Variants in PHF24 observed in about 807,000 individuals in gnomAD.
PHF24 encodes the protein Galpha inhibitory interacting protein.
Under a neutral mutation model 42.6 loss-of-function variants are expected in PHF24, and 25 were observed. That is an observed-to-expected ratio of 0.59 (90% CI 0.43 to 0.82). The LOEUF is 0.82. Among genes scored for constraint, PHF24 ranks in the 40% least tolerant of loss-of-function variants. PHF24 has a pLI of 0.00. For synonymous variants in PHF24, 185 were observed against 204.8 expected (o/e 0.90, Z 0.83); for missense variants, 470 against 538.1 (o/e 0.87, Z 1.25).
At chr9:34,955,518 A>G (rs1382211044), upstream of PHF24, among the ~76,000 whole-genome samples, 1 of 152,212 alleles carries the variant, frequency 6.6e-6, no homozygotes, top group Non-Finnish European at 1.5e-5. Flanking sequence ...CTCTACCAAA[A>G]ATCCAAAAAT....
the PHF24 span, chr9:34,833,892 C>T: frequency 6.5e-7 from 1 of 1,547,216 alleles, no homozygotes. Flanking sequence ...TGGCTAGTGA[C>T]TGCCGGGGCC....
At chr9:34,729,079 T>C in the PHF24 span, among the ~76,000 whole-genome samples, 1 of 152,082 alleles carries the variant, frequency 6.6e-6, no homozygotes, top group African/African-American at 2.4e-5. Flanking sequence ...CCAAACCAAA[T>C]AGAGAGGTTC....
the PHF24 span, among the ~76,000 whole-genome samples, chr9:34,845,415 T>C: frequency 6.6e-6 from 1 of 152,132 alleles, no homozygotes; most frequent in Non-Finnish European, 1.5e-5. Context: ...TTTCCCTCTC[T>C]TGTTGTCGTC....
chr9:34,737,429 C>T, the PHF24 span, among the ~76,000 whole-genome samples: 57,608 of 152,016 alleles, frequency 0.38, 11,222 homozygotes, highest in African/African-American at 0.47. Flanking sequence ...CCACATTTTG[C>T]TTATCCATTC....
At chr9:34,886,319 G>A in the PHF24 span, among the ~76,000 whole-genome samples, 516 of 149,400 alleles carry the variant, frequency 3.5e-3, 3 homozygotes, top group African/African-American at 0.012. Context: ...TGAAACAAAA[G>A]TCCTTGAAAG....
chr9:34,917,204 T>C, the PHF24 span: 1 of 1,451,590 alleles, frequency 6.9e-7, no homozygotes, highest in Non-Finnish European at 9.7e-7. Context: ...CCCACTTAAA[T>C]AAAGGCATCA....
the PHF24 span, among the ~76,000 whole-genome samples, chr9:34,736,664 A>G: frequency 3.9e-5 from 6 of 152,276 alleles, no homozygotes; most frequent in Non-Finnish European, 8.8e-5. Context: ...CTCAGAGAAT[A>G]CTAACCAGGG....
chr9:34,738,184 A>G, the PHF24 span, among the ~76,000 whole-genome samples: 1 of 152,122 alleles, frequency 6.6e-6, no homozygotes, highest in African/African-American at 2.4e-5. Flanking sequence ...CTGTGGCCAG[A>G]TCCCAAACAA....
the PHF24 span, among the ~76,000 whole-genome samples, chr9:34,765,393 G>T: frequency 6.7e-6 from 1 of 149,942 alleles, no homozygotes; most frequent in African/African-American, 2.4e-5. Context: ...CCTGTATTGG[G>T]TGCCTATATA....
the PHF24 span, among the ~76,000 whole-genome samples, chr9:34,683,376 A>G: frequency 2.6e-5 from 4 of 152,230 alleles, no homozygotes; most frequent in African/African-American, 9.6e-5. Context: ...ATATACTTTC[A>G]AAACAACTTG....
At chr9:34,811,195 T>A in the PHF24 span, among the ~76,000 whole-genome samples, 1 of 152,230 alleles carries the variant, frequency 6.6e-6, no homozygotes, top group Non-Finnish European at 1.5e-5. Context: ...AATCTGTTTT[T>A]CACAGATTTT....
At chr9:34,976,667 A>G in exon 5 of PHF24, 1 of 1,614,210 alleles carries the variant, frequency 6.2e-7, no homozygotes, top group Non-Finnish European at 8.5e-7. Flanking sequence ...GACCCTGAAC[A>G]TCGAGGCCAC....
At chr9:34,762,267 A>G in the PHF24 span, among the ~76,000 whole-genome samples, 43 of 148,740 alleles carry the variant, frequency 2.9e-4, no homozygotes, top group East Asian at 2.6e-3. Flanking sequence ...CTGAGGAATC[A>G]CCACACTGAC....
chr9:34,854,196 A>T, the PHF24 span, among the ~76,000 whole-genome samples: 395 of 106,556 alleles, frequency 3.7e-3, 4 homozygotes, highest in Non-Finnish European at 5.1e-3. Flanking sequence ...CAGTCTATCT[A>T]TTTTTTTTTT....
At chr9:34,857,064 T>A in the PHF24 span, among the ~76,000 whole-genome samples, 1 of 152,188 alleles carries the variant, frequency 6.6e-6, no homozygotes, top group Non-Finnish European at 1.5e-5. Flanking sequence ...TTGTGTTGCA[T>A]TGTGAGGAAC....
chr9:34,896,456 G>T, the PHF24 span, among the ~76,000 whole-genome samples: 511 of 152,274 alleles, frequency 3.4e-3, 1 homozygote, highest in South Asian at 0.018. Flanking sequence ...TACCTTTCAT[G>T]GAGGCAAATG....
the PHF24 span, chr9:34,832,864 A>G: frequency 6.4e-7 from 1 of 1,551,668 alleles, no homozygotes; most frequent in Non-Finnish European, 8.7e-7. Flanking sequence ...CAAGGATGAC[A>G]GTTAGCTTGG....
intron 3 of PHF24, among the ~76,000 whole-genome samples, chr9:34,975,926 G>T (rs1038196127): frequency 1.3e-5 from 2 of 152,076 alleles, no homozygotes; most frequent in Non-Finnish European, 2.9e-5. Flanking sequence ...CAGTGCTGGA[G>T]TCAGGATATC....
At chr9:34,925,304 C>G in the PHF24 span, among the ~76,000 whole-genome samples, 1 of 152,156 alleles carries the variant, frequency 6.6e-6, no homozygotes, top group African/African-American at 2.4e-5. Flanking sequence ...TGGCTTTTTA[C>G]AATTTGACTA....
Sources: allele counts gnomAD v4.1 joint callset (sites outside exome capture counted in the v4.1 genomes callset), GRCh38; gene constraint gnomAD v4.1.1; transcripts MANE v1.5; gene names NCBI Gene and HGNC (gene_info 2026-07-23, HGNC 2026-07-21).